NAV2: variants seen among roughly 807,000 people sequenced by gnomAD.
NAV2 encodes helicase, APC down-regulated 1.
A neutral mutation model predicts 223.2 loss-of-function variants in NAV2; 54 were observed. That is an observed-to-expected ratio of 0.24 (90% CI 0.19 to 0.30). The LOEUF (loss-of-function observed/expected upper bound fraction) is 0.30, where lower values mean the gene tolerates loss of function less well. NAV2 is among the 10% of genes least tolerant of loss of function. The probability of loss-of-function intolerance (pLI) is 1.00; values close to 1 mark genes in which losing one functional copy is unlikely to be tolerated. For missense variants in NAV2, 2,806 were observed against 3,147.5 expected, an observed-to-expected ratio of 0.89 and a Z score of 2.60; for synonymous variants, 1,279 against 1,239.3, an observed-to-expected ratio of 1.03 and a Z score of -0.67.
intron 11 of NAV2, among the ~76,000 whole-genome samples, chr11:19,986,198 G>A (rs35666863): frequency 0.079 from 12,050 of 152,238 alleles, 599 homozygotes; most frequent in South Asian, 0.11. Context: ...TGGAGGATGA[G>A]GGTGGGGTTG....
At chr11:19,674,892 G>T (rs2048672428) in intron 1 of NAV2, among the ~76,000 whole-genome samples, 1 of 152,220 alleles carries the variant, frequency 6.6e-6, no homozygotes, top group African/African-American at 2.4e-5. Flanking sequence ...CTAAGCCTTG[G>T]TTTCCTCCTC....
intron 1 of NAV2, among the ~76,000 whole-genome samples, chr11:19,764,964 A>G (rs1297436482): frequency 1.3e-5 from 2 of 152,052 alleles, no homozygotes; most frequent in Non-Finnish European, 2.9e-5. Context: ...TGCAAAATTG[A>G]TCCCTCTTCA....
At chr11:19,624,053 A>T (rs2135436828) in intron 1 of NAV2, among the ~76,000 whole-genome samples, 1 of 152,306 alleles carries the variant, frequency 6.6e-6, no homozygotes, top group Non-Finnish European at 1.5e-5. Context: ...TCTTTGCCTG[A>T]GTATCACCAG....
chr11:19,566,763 C>T (rs2045281961), intron 1 of NAV2, among the ~76,000 whole-genome samples: 1 of 152,168 alleles, frequency 6.6e-6, no homozygotes. Context: ...TGTGAAGATA[C>T]TTACATATGC....
chr11:19,770,007 C>T (rs1325510994), intron 1 of NAV2, among the ~76,000 whole-genome samples: 2 of 152,040 alleles, frequency 1.3e-5, no homozygotes, highest in African/African-American at 4.8e-5. Context: ...AACAAAACCA[C>T]ACCAACCCTC....
chr11:19,797,662 C>T (rs992147856), intron 1 of NAV2, among the ~76,000 whole-genome samples: 2 of 152,276 alleles, frequency 1.3e-5, no homozygotes, highest in Non-Finnish European at 2.9e-5. Context: ...CTGGTTGGAA[C>T]GAGCCAGTTC....
intron 1 of NAV2, among the ~76,000 whole-genome samples, chr11:19,627,929 G>A (rs5790079): frequency 0.15 from 19,402 of 132,138 alleles, 3,538 homozygotes; most frequent in African/African-American, 0.46. Context: ...AAAAAAAAAA[G>A]AAGAAGAAGA....
intron 9 of NAV2, among the ~76,000 whole-genome samples, 185 bp from the exon 10 acceptor site, chr11:19,948,506 G>A (rs947827608): frequency 1.3e-5 from 2 of 152,168 alleles, no homozygotes; most frequent in African/African-American, 4.8e-5. Flanking sequence ...AGAATGTTAT[G>A]TAGATGTGTA....
At chr11:19,463,629 T>C (rs1371571754) in intron 1 of NAV2, among the ~76,000 whole-genome samples, 1 of 152,242 alleles carries the variant, frequency 6.6e-6, no homozygotes, top group Non-Finnish European at 1.5e-5. Flanking sequence ...GTGTGAGGGC[T>C]GCTAAATTTT....
At chr11:19,425,105 T>C (rs1850774348) in intron 1 of NAV2, among the ~76,000 whole-genome samples, 1 of 152,178 alleles carries the variant, frequency 6.6e-6, no homozygotes, top group Non-Finnish European at 1.5e-5. Context: ...CGGGCTATTA[T>C]GGAATAATAA....
In NAV2 at chr11:19,943,346, A is replaced by G. The variant is rs1341137946; in HGVS notation, c.2147-3055A>G. Among the ~76,000 whole-genome samples, 4 of 152,156 alleles carry G rather than the reference A, an allele frequency of 2.6e-5. No homozygotes were observed. The East Asian group carries it at 5.8e-4, about 22-fold the overall frequency. On this transcript the variant is annotated intron_variant, in intron 8 of 37. Transcript: ENST00000349880. ...GCTTTTTTTAAAAAAACACATACAT[A>G]TATATGTATTTTAAAGCACTGGGAG...
chr11:19,478,495 A>G (rs1445126969), intron 1 of NAV2, among the ~76,000 whole-genome samples: 3 of 152,220 alleles, frequency 2.0e-5, no homozygotes, highest in African/African-American at 7.2e-5. Flanking sequence ...CTAAAGCAGA[A>G]GGAAAAACAA....
intron 1 of NAV2, among the ~76,000 whole-genome samples, chr11:19,405,158 C>A (rs1849840959): frequency 6.6e-6 from 1 of 152,216 alleles, no homozygotes; most frequent in South Asian, 2.1e-4. Flanking sequence ...AAAACTCATT[C>A]ACAAGTACAC....
At chr11:20,084,706 A>G (rs1017155291) in intron 26 of NAV2, among the ~76,000 whole-genome samples, 4 of 152,198 alleles carry the variant, frequency 2.6e-5, no homozygotes, top group African/African-American at 9.6e-5. Flanking sequence ...AGAGTGCCTA[A>G]GGAAAGAGTA....
intron 1 of NAV2, among the ~76,000 whole-genome samples, chr11:19,609,569 G>T (rs141377820): frequency 6.6e-6 from 1 of 152,158 alleles, no homozygotes. Flanking sequence ...TCATCCTGGC[G>T]CTGCAGTTGG....
chr11:20,007,883 T>A (rs1222224498), intron 11 of NAV2, among the ~76,000 whole-genome samples: 1 of 152,230 alleles, frequency 6.6e-6, no homozygotes, highest in Non-Finnish European at 1.5e-5. Flanking sequence ...GATCCTTTGC[T>A]TTATGATGCT....
chr11:19,470,691 A>G (rs1216248053), intron 1 of NAV2, among the ~76,000 whole-genome samples: 2 of 152,246 alleles, frequency 1.3e-5, no homozygotes, highest in Non-Finnish European at 2.9e-5. Context: ...CTTGAGGGAC[A>G]TATTCAAATC....
intron 3 of NAV2, among the ~76,000 whole-genome samples, chr11:19,851,188 G>C (rs998346725): frequency 1.3e-5 from 2 of 152,142 alleles, no homozygotes; most frequent in Non-Finnish European, 2.9e-5. Flanking sequence ...TGAGTAACTT[G>C]CCCAAGGTCA....
At chr11:19,643,639 C>A (rs1188734916) in intron 1 of NAV2, among the ~76,000 whole-genome samples, 2 of 152,078 alleles carry the variant, frequency 1.3e-5, no homozygotes, top group Non-Finnish European at 2.9e-5. Context: ...GTGCATGTGT[C>A]TTTATAGCAG....
Sources: gnomAD v4.1 joint callset for allele counts (sites outside exome capture counted in the v4.1 genomes callset) on GRCh38, gnomAD v4.1.1 for gene constraint, MANE v1.5 for transcripts, NCBI Gene and HGNC (gene_info 2026-07-23, HGNC 2026-07-21) for gene names.